RAB27B: variants seen among roughly 807,000 people sequenced by gnomAD.
RAB27B encodes the protein RAB27B, member RAS oncogene family.
In RAB27B, 15 loss-of-function variants were observed where a neutral mutation model predicts 24.6. The observed-to-expected ratio is 0.61, with a 90% CI of 0.41 to 0.94. The LOEUF (loss-of-function observed/expected upper bound fraction) is 0.94, where lower values mean the gene tolerates loss of function less well. Among genes scored for constraint, RAB27B ranks in the 40% least tolerant of loss-of-function variants. The pLI is 0.00. For missense variants in RAB27B, 261 were observed against 266.8 expected (o/e 0.98, Z 0.15); for synonymous variants, 105 against 92.5 (o/e 1.14, Z -0.78).
chr18:54,877,951 A>G (rs1176798376), intron 2 of RAB27B, among the ~76,000 whole-genome samples: 1 of 152,150 alleles, frequency 6.6e-6, no homozygotes, highest in Non-Finnish European at 1.5e-5. Context: ...CTTGTCTCCC[A>G]AAGTGTACAA....
intron 2 of RAB27B, among the ~76,000 whole-genome samples, chr18:54,726,381 T>C (rs1227357894): frequency 6.6e-6 from 1 of 151,592 alleles, no homozygotes; most frequent in Non-Finnish European, 1.5e-5. Context: ...ACATCATTTT[T>C]GCTTGTTTTC....
intron 2 of RAB27B, among the ~76,000 whole-genome samples, chr18:54,773,741 T>C (rs1395539638): frequency 1.3e-5 from 2 of 151,742 alleles, no homozygotes; most frequent in African/African-American, 4.8e-5. Context: ...AGTGGCATCA[T>C]CTCGGCTCAC....
chr18:54,750,356 T>G (rs1907792624), intron 2 of RAB27B, among the ~76,000 whole-genome samples: 1 of 152,224 alleles, frequency 6.6e-6, no homozygotes, highest in Non-Finnish European at 1.5e-5. Flanking sequence ...AAATTTTACT[T>G]GAATTTTTAA....
At chr18:54,720,064 C>T (rs527859673) in intron 2 of RAB27B, among the ~76,000 whole-genome samples, 77 of 152,038 alleles carry the variant, frequency 5.1e-4, no homozygotes, top group Non-Finnish European at 7.4e-4. Flanking sequence ...AACTTTCTTC[C>T]TGAATTTAAG....
At chr18:54,866,309 G>T (rs1369347290) in intron 1 of RAB27B, among the ~76,000 whole-genome samples, 1 of 148,296 alleles carries the variant, frequency 6.7e-6, no homozygotes, top group Admixed American at 6.7e-5. Flanking sequence ...CGCGCCCTGC[G>T]CTCCAATATG....
chr18:54,802,191 A>G (rs1909632796), intron 2 of RAB27B, among the ~76,000 whole-genome samples: 1 of 152,232 alleles, frequency 6.6e-6, no homozygotes, highest in African/African-American at 2.4e-5. Context: ...TCTTTGCAAT[A>G]TTTGCTAGAA....
chr18:54,719,206 A>C (rs1163914332), intron 2 of RAB27B, among the ~76,000 whole-genome samples: 1 of 151,938 alleles, frequency 6.6e-6, no homozygotes, highest in Non-Finnish European at 1.5e-5. Context: ...CTAATGGTTC[A>C]AAAAAGTATA....
chr18:54,846,189 G>A (rs772155741), intron 1 of RAB27B, among the ~76,000 whole-genome samples: 10 of 152,160 alleles, frequency 6.6e-5, no homozygotes, highest in Non-Finnish European at 1.0e-4. Flanking sequence ...GATAAGTTTC[G>A]TTCAGGCATG....
At chr18:54,773,171 A>G (rs1418565987) in intron 2 of RAB27B, among the ~76,000 whole-genome samples, 1 of 152,198 alleles carries the variant, frequency 6.6e-6, no homozygotes, top group East Asian at 1.9e-4. Flanking sequence ...TTCATTTTCT[A>G]AAGCACTAAA....
At chr18:54,772,743 T>C (rs766187828) in intron 2 of RAB27B, among the ~76,000 whole-genome samples, 1 of 152,226 alleles carries the variant, frequency 6.6e-6, no homozygotes, top group Non-Finnish European at 1.5e-5. Flanking sequence ...GCCATGCTTC[T>C]TATTCATTCA....
chr18:54,762,411 A>G (rs1010330515), intron 2 of RAB27B, among the ~76,000 whole-genome samples: 2 of 152,178 alleles, frequency 1.3e-5, no homozygotes, highest in Non-Finnish European at 2.9e-5. Context: ...GAAATTCTGT[A>G]GCTTTAAGCC....
chr18:54,733,904 A>G (rs1429965095), intron 2 of RAB27B, among the ~76,000 whole-genome samples: 1 of 152,218 alleles, frequency 6.6e-6, no homozygotes, highest in East Asian at 1.9e-4. Context: ...TCCTATGCAA[A>G]TAACTTATTA....
chr18:54,737,499 T>C (rs1909932308), intron 2 of RAB27B, among the ~76,000 whole-genome samples: 1 of 152,238 alleles, frequency 6.6e-6, no homozygotes, highest in Non-Finnish European at 1.5e-5. Flanking sequence ...CATCTTGGCA[T>C]CATCTCTCTT....
At chr18:54,782,942 C>G (rs999595480) in intron 2 of RAB27B, among the ~76,000 whole-genome samples, 3 of 151,614 alleles carry the variant, frequency 2.0e-5, no homozygotes, top group African/African-American at 7.3e-5. Context: ...ATAACATTGA[C>G]AAGAGTCTCA....
intron 2 of RAB27B, among the ~76,000 whole-genome samples, chr18:54,729,700 G>A (rs982641289): frequency 6.6e-6 from 1 of 152,022 alleles, no homozygotes; most frequent in Non-Finnish European, 1.5e-5. Context: ...GTAAAAACAA[G>A]CAAAACAACA....
intron 2 of RAB27B, among the ~76,000 whole-genome samples, chr18:54,796,821 C>A (rs1158359231): frequency 8.5e-5 from 13 of 152,100 alleles, no homozygotes; most frequent in Non-Finnish European, 2.9e-5. Context: ...GAGGGTGGAC[C>A]CCTAGACTGG....
At chr18:54,869,501 A>G (rs1912379893) in intron 1 of RAB27B, among the ~76,000 whole-genome samples, 1 of 152,176 alleles carries the variant, frequency 6.6e-6, no homozygotes, top group Non-Finnish European at 1.5e-5. Flanking sequence ...CTAGAAATTG[A>G]CCCCACAGCA....
At chr18:54,741,388 T>C (rs756770104) in intron 2 of RAB27B, among the ~76,000 whole-genome samples, 4 of 152,204 alleles carry the variant, frequency 2.6e-5, no homozygotes, top group Admixed American at 6.5e-5. Flanking sequence ...GTATACTAAG[T>C]TCACTGTTGT....
At chr18:54,808,730 A>G (rs1439295692) in intron 2 of RAB27B, among the ~76,000 whole-genome samples, 3 of 152,256 alleles carry the variant, frequency 2.0e-5, no homozygotes, top group African/African-American at 4.8e-5. Flanking sequence ...ATATACACAC[A>G]TGCCTTACAG....
Sources: allele counts gnomAD v4.1 joint callset (sites outside exome capture counted in the v4.1 genomes callset), GRCh38; gene constraint gnomAD v4.1.1; transcripts MANE v1.5; gene names NCBI Gene and HGNC (gene_info 2026-07-23, HGNC 2026-07-21).